Variants in RGS22 observed in about 807,000 individuals in gnomAD.
RGS22 encodes the protein regulator of G protein signaling 22.
A neutral mutation model predicts 172.9 loss-of-function variants in RGS22; 148 were observed. That is an observed-to-expected ratio of 0.86 (90% CI 0.75 to 0.98). The LOEUF (loss-of-function observed/expected upper bound fraction) is 0.98. RGS22 is among the 50% of genes least tolerant of loss of function. The pLI, the probability that RGS22 is intolerant of heterozygous loss-of-function variation, is 0.00. For missense variants in RGS22, 1,347 were observed against 1,440.8 expected, an observed-to-expected ratio of 0.93 and a Z score of 1.05; for synonymous variants, 458 against 480.2, an observed-to-expected ratio of 0.95 and a Z score of 0.60.
At chr8:100,037,316 A>T (rs1819612543) in intron 14 of RGS22, among the ~76,000 whole-genome samples, 1 of 152,222 alleles carries the variant, frequency 6.6e-6, no homozygotes, top group African/African-American at 2.4e-5. Context: ...TAAATAAAAA[A>T]GTAAGACAAA....
At chr8:100,018,559 CATT>C (rs1381100727) in intron 14 of RGS22, among the ~76,000 whole-genome samples, 1 of 152,156 alleles carries the variant, frequency 6.6e-6, no homozygotes, top group Non-Finnish European at 1.5e-5. Context: ...AATTTGCTGA[CATT>C]GTTGGGGGAA....
chr8:99,973,044 G>T (rs1811545117), intron 23 of RGS22, among the ~76,000 whole-genome samples: 1 of 151,644 alleles, frequency 6.6e-6, no homozygotes, highest in South Asian at 2.1e-4. Context: ...GGAGAAATAG[G>T]AACACTTTTA....
At chr8:100,079,572 G>A (rs552796851) in intron 4 of RGS22, among the ~76,000 whole-genome samples, 2 of 152,152 alleles carry the variant, frequency 1.3e-5, no homozygotes, top group African/African-American at 4.8e-5. Context: ...CTAAGTAGTA[G>A]GTAGTAAAGG....
intron 19 of RGS22, among the ~76,000 whole-genome samples, chr8:99,998,170 C>A (rs574257340): frequency 6.6e-6 from 1 of 152,078 alleles, no homozygotes; most frequent in East Asian, 1.9e-4. Context: ...CCTTGTATAA[C>A]CTTGTCCACT....
intron 4 of RGS22, among the ~76,000 whole-genome samples, chr8:100,075,803 T>C (rs796469723): frequency 8.5e-5 from 13 of 152,378 alleles, no homozygotes; most frequent in African/African-American, 3.1e-4. Context: ...AACTGCCTAA[T>C]ATTTTCCAAA....
intron 3 of RGS22, among the ~76,000 whole-genome samples, chr8:100,092,664 T>G (rs936919448): frequency 3.9e-5 from 6 of 152,194 alleles, no homozygotes; most frequent in African/African-American, 1.4e-4. Flanking sequence ...CCCTTGATCT[T>G]GGACTTTTCA....
intron 4 of RGS22, among the ~76,000 whole-genome samples, chr8:100,072,538 A>C (rs947423278): frequency 1.3e-5 from 2 of 152,240 alleles, no homozygotes; most frequent in African/African-American, 4.8e-5. Context: ...AGGGAAAAAA[A>C]GCCAATGCAT....
chr8:99,998,532 GTGAATAGCCAC>G (rs1161649646), intron 19 of RGS22, among the ~76,000 whole-genome samples: 1 of 152,168 alleles, frequency 6.6e-6, no homozygotes, highest in Non-Finnish European at 1.5e-5. Flanking sequence ...GATTGTGCTT[GTGAATAGCCAC>G]TGCACTCCAG....
intron 2 of RGS22, among the ~76,000 whole-genome samples, chr8:100,098,753 G>A (rs6991333): frequency 6.7e-6 from 1 of 149,656 alleles, no homozygotes; most frequent in Non-Finnish European, 1.5e-5. Flanking sequence ...CCTTCTCTCT[G>A]TCTCTCTCTC....
chr8:100,032,013 G>T (rs1027225716), intron 14 of RGS22, among the ~76,000 whole-genome samples: 1 of 152,098 alleles, frequency 6.6e-6, no homozygotes, highest in Non-Finnish European at 1.5e-5. Context: ...AACTCCTGAA[G>T]GAAGCACTAA....
chr8:100,093,004 T>C (rs933285392), intron 3 of RGS22, among the ~76,000 whole-genome samples: 4 of 152,210 alleles, frequency 2.6e-5, no homozygotes, highest in Admixed American at 6.5e-5. Context: ...TTATTATCTC[T>C]GTCAAAAGTC....
At chr8:100,104,188 C>T (rs961415958) in intron 2 of RGS22, among the ~76,000 whole-genome samples, 2 of 152,048 alleles carry the variant, frequency 1.3e-5, no homozygotes, top group Non-Finnish European at 2.9e-5. Context: ...CGTGCTGGCA[C>T]GTGCCTATAG....
chr8:100,041,489 C>A (rs79996374), intron 12 of RGS22, among the ~76,000 whole-genome samples: 25 of 142,376 alleles, frequency 1.8e-4, no homozygotes, highest in Admixed American at 2.8e-4. Flanking sequence ...GACTCTATCT[C>A]AAAAAAAAAA....
intron 21 of RGS22, among the ~76,000 whole-genome samples, chr8:99,986,862 C>A (rs1813151663): frequency 1.3e-5 from 2 of 151,578 alleles, no homozygotes; most frequent in African/African-American, 4.9e-5. Flanking sequence ...ATGGATACAC[C>A]AAATATAGAC....
At chr8:100,097,463 G>C (rs1479275120) in intron 2 of RGS22, among the ~76,000 whole-genome samples, 1 of 152,174 alleles carries the variant, frequency 6.6e-6, no homozygotes, top group Non-Finnish European at 1.5e-5. Flanking sequence ...GATGAGATAG[G>C]ACAGCTATGT....
rs1193942289 is a variant in RGS22 at position 100,060,402 on chromosome 8, G to GTGTATA, written c.1514+2188_1514+2189insTATACA. On this transcript the variant is annotated intron_variant, in intron 9 of 27. Coordinates refer to ENST00000360863, the MANE Select transcript of RGS22 (RefSeq NM_015668.5). ...GATAAATCTGCAACTTTAGCTACGTGTATATATATATATATATATACACAC... is the reference window on the plus strand; with the variant it reads ...GATAAATCTGCAACTTTAGCTACGTGTGTATATATATATATATATATATATACACAC... 1.1e-3 allele frequency among the ~76,000 whole-genome samples: 112 copies of GTGTATA among 102,972 alleles called. 1 individual carries two copies. Among genetic ancestry groups the GTGTATA allele is most frequent in the African/African-American group, 3.2e-3 (105 of 32,472 alleles). 67.6% of individuals were successfully genotyped at this position (102,972 alleles called of 152,430 possible). A position where few individuals can be genotyped will look rare whatever the true frequency, so the allele number is the denominator to read the frequency against.
In RGS22 at chr8:100,072,142, T is replaced by C; in HGVS notation, c.425+3A>G. ...AATACATATATTGATGGGACTATAGTACCTGTATTCAAAGTAACAATCACT... is the reference window on the plus strand; with the variant it reads ...AATACATATATTGATGGGACTATAGCACCTGTATTCAAAGTAACAATCACT... On this transcript the variant is annotated splice_donor_region_variant and intron_variant, in intron 5 of 27. Coordinates refer to ENST00000360863, the MANE Select transcript of RGS22 (RefSeq NM_015668.5). 6.4e-7 allele frequency: 1 copy of C among 1,550,422 alleles called. No homozygotes were observed. Among genetic ancestry groups the C allele is most frequent in the Non-Finnish European group, 8.8e-7 (1 of 1,131,018 alleles).
chr8:99,961,888 T>C (rs761422194), intron 27 of RGS22, among the ~76,000 whole-genome samples: 15 of 152,050 alleles, frequency 9.9e-5, no homozygotes, highest in Non-Finnish European at 1.6e-4. Context: ...ACAAGCAAAA[T>C]ATAAAAGAAA....
chr8:99,995,594 T>C (rs2131296065), intron 20 of RGS22, among the ~76,000 whole-genome samples: 1 of 152,240 alleles, frequency 6.6e-6, no homozygotes, highest in East Asian at 1.9e-4. Context: ...TGGCAATTAT[T>C]AAAAAGTCAG....
Sources: gnomAD v4.1 joint callset for allele counts (sites outside exome capture counted in the v4.1 genomes callset) on GRCh38, gnomAD v4.1.1 for gene constraint, MANE v1.5 for transcripts, NCBI Gene and HGNC (gene_info 2026-07-23, HGNC 2026-07-21) for gene names.